The following NBAS variants were observed in gnomAD, a reference collection of about 807,000 sequenced individuals.
NBAS encodes NAG/BC035112 fusion.
NBAS carries 219 observed loss-of-function variants against 302.5 expected under a neutral mutation model. That is an observed-to-expected ratio of 0.72 (90% confidence interval 0.65 to 0.81). The LOEUF is 0.81. NBAS is among the 30% of genes least tolerant of loss of function. The pLI is 0.00. For synonymous variants in NBAS, 1,118 were observed against 1,021.6 expected, an observed-to-expected ratio of 1.09 and a Z score of -1.80; for missense variants, 2,932 against 2,841.6, an observed-to-expected ratio of 1.03 and a Z score of -0.72.
Position 15,556,784 on chromosome 2 carries a change from T to C in NBAS, c.208A>G (p.Ser70Gly), listed in dbSNP as rs771231640. ...TTCTCTGAAGAACCGAAGACTCACC[T>C]GTACCAGATGTATTGGCGTAAAAAT... Reference protein sequence around the residue: ...LLFLRQYIWYSPAPFLLPDGL... With the variant: ...LLFLRQYIWYGPAPFLLPDGL... The change falls in exon 3 of 52, where the codon AGC becomes GGC. Residue 70 changes from serine (S) to glycine (G), a missense_variant and splice_region_variant. By Grantham distance (56) the Ser-to-Gly change is moderately conservative. Coordinates refer to ENST00000281513, the MANE Select transcript of NBAS (RefSeq NM_015909.4). 6.2e-7 allele frequency: 1 copy of C among 1,609,930 alleles called. No homozygotes were observed. The highest frequency in any genetic ancestry group is 8.5e-7 in the Non-Finnish European group (1 of 1,176,422).
chr2:15,406,801 CTTAA>C (rs1441105202), intron 25 of NBAS, among the ~76,000 whole-genome samples: 1 of 152,174 alleles, frequency 6.6e-6, no homozygotes, highest in African/African-American at 2.4e-5. Flanking sequence ...TGTTAAAACT[CTTAA>C]TTAGAAAAGC....
chr2:15,067,990 T>C, the NBAS span, among the ~76,000 whole-genome samples: 1 of 152,220 alleles, frequency 6.6e-6, no homozygotes, highest in African/African-American at 2.4e-5. Flanking sequence ...GGAAGTGTGC[T>C]TAGCCTCTAA....
the NBAS span, among the ~76,000 whole-genome samples, chr2:15,068,923 G>C: frequency 6.6e-6 from 1 of 152,200 alleles, no homozygotes; most frequent in African/African-American, 2.4e-5. Flanking sequence ...TCCAGTGAGA[G>C]CCTCCTGGTT....
At chr2:14,959,876 A>AT in the NBAS span, among the ~76,000 whole-genome samples, 1 of 152,160 alleles carries the variant, frequency 6.6e-6, no homozygotes, top group Non-Finnish European at 1.5e-5. Context: ...ATCAAAACAT[A>AT]TTTTTTCCAC....
At chr2:15,274,961 C>G (rs113502056) in intron 44 of NBAS, among the ~76,000 whole-genome samples, 1 of 139,620 alleles carries the variant, frequency 7.2e-6, no homozygotes, top group Non-Finnish European at 1.6e-5. Flanking sequence ...TTTTTTTCTT[C>G]TAGTAGAGAT....
At chr2:15,229,900 C>G (rs1466863533) in intron 47 of NBAS, among the ~76,000 whole-genome samples, 3 of 152,078 alleles carry the variant, frequency 2.0e-5, no homozygotes, top group African/African-American at 7.2e-5. Context: ...CAAATTCTTA[C>G]TTTTTTATGC....
At chr2:14,796,172 C>T in the NBAS span, among the ~76,000 whole-genome samples, 5,474 of 152,198 alleles carry the variant, frequency 0.036, 316 homozygotes, top group African/African-American at 0.12. Flanking sequence ...TGTGGTGGGT[C>T]TAGTTTTGGA....
the NBAS span, among the ~76,000 whole-genome samples, chr2:15,107,742 G>T: frequency 3.3e-5 from 5 of 152,100 alleles, no homozygotes; most frequent in Admixed American, 2.6e-4. Flanking sequence ...TTTTGTGAAT[G>T]TTGACCAACG....
the NBAS span, among the ~76,000 whole-genome samples, chr2:15,104,978 C>A: frequency 6.6e-6 from 1 of 151,834 alleles, no homozygotes; most frequent in South Asian, 2.1e-4. Flanking sequence ...GCAGCACTAT[C>A]CACAATAGCA....
At chr2:15,334,792 C>T (rs914978895) in intron 35 of NBAS, among the ~76,000 whole-genome samples, 3 of 152,132 alleles carry the variant, frequency 2.0e-5, no homozygotes, top group African/African-American at 7.2e-5. Context: ...GTGTAAGCCA[C>T]ATCAAATGAC....
At chr2:15,227,379 C>A (rs1313581773) in intron 47 of NBAS, among the ~76,000 whole-genome samples, 1 of 152,034 alleles carries the variant, frequency 6.6e-6, no homozygotes, top group Non-Finnish European at 1.5e-5. Flanking sequence ...GAACGATATT[C>A]CATGTTCATG....
chr2:15,536,332 C>CAAA lies in NBAS; in HGVS notation c.647+83_647+85dup. ...GCAATTTTTCATAATAGACAGAAAG[C>CAAA]AAAAAAAAAAAGAAATATCAAAATC... On this transcript the variant is annotated intron_variant, in intron 8 of 51. Transcript: ENST00000281513. The CAAA allele has an allele frequency of 6.9e-6, 8 of 1,161,818 alleles. No individual in the cohort carries two copies. In the East Asian group the frequency reaches 1.5e-4, roughly 21 times the overall value. 72.0% of individuals were successfully genotyped at this position (1,161,818 alleles called of 1,614,324 possible).
the NBAS span, among the ~76,000 whole-genome samples, chr2:15,154,930 G>A: frequency 1.3e-5 from 2 of 152,184 alleles, no homozygotes; most frequent in African/African-American, 2.4e-5. Context: ...GTGGAAGCCG[G>A]TGATTCTTAA....
At chr2:15,357,458 T>A (rs530368467) in intron 32 of NBAS, among the ~76,000 whole-genome samples, 1 of 152,148 alleles carries the variant, frequency 6.6e-6, no homozygotes, top group South Asian at 2.1e-4. Context: ...ACAAGCCCAA[T>A]TTCTCTCTCT....
the NBAS span, among the ~76,000 whole-genome samples, chr2:15,048,146 G>A: frequency 1.3e-5 from 2 of 152,224 alleles, no homozygotes; most frequent in Non-Finnish European, 2.9e-5. Context: ...CACTACTGAT[G>A]GCAAGAGCAG....
intron 49 of NBAS, 102 bp downstream of exon 49, chr2:15,190,162 A>G: frequency 7.4e-7 from 1 of 1,342,516 alleles, no homozygotes; most frequent in African/African-American, 1.5e-5. Context: ...ACGCACACAC[A>G]TATAATTATT....
chr2:14,801,078 C>T, the NBAS span, among the ~76,000 whole-genome samples: 2 of 152,016 alleles, frequency 1.3e-5, no homozygotes, highest in South Asian at 2.1e-4. Flanking sequence ...TGCATTGCAT[C>T]TGATGATAAA....
At chr2:15,159,809 A>G in the NBAS span, among the ~76,000 whole-genome samples, 10 of 147,306 alleles carry the variant, frequency 6.8e-5, no homozygotes, top group African/African-American at 2.4e-4. Context: ...GCGTGCACAC[A>G]CACACACACA....
At chr2:15,031,158 A>T in the NBAS span, among the ~76,000 whole-genome samples, 1 of 152,208 alleles carries the variant, frequency 6.6e-6, no homozygotes, top group African/African-American at 2.4e-5. Flanking sequence ...AATATAAAGC[A>T]TCTCATGGTC....
Sources: gnomAD v4.1 joint callset for allele counts (sites outside exome capture counted in the v4.1 genomes callset) on GRCh38, gnomAD v4.1.1 for gene constraint, MANE v1.5 for transcripts, NCBI Gene and HGNC (gene_info 2026-07-23, HGNC 2026-07-21) for gene names.